Variants in IL1RL2 observed in about 807,000 individuals in gnomAD.
IL1RL2 encodes the protein interleukin-1 receptor-like 2.
A neutral mutation model predicts 66.8 loss-of-function variants in IL1RL2; 68 were observed. That is an observed-to-expected ratio of 1.02 (90% confidence interval 0.84 to 1.25). IL1RL2 has a LOEUF of 1.25. IL1RL2 is among the 50% of genes most tolerant of loss of function. IL1RL2 has a pLI of 0.00. For missense variants in IL1RL2, 729 were observed against 709.3 expected, an observed-to-expected ratio of 1.03 and a Z score of -0.32; for synonymous variants, 305 against 264.6, an observed-to-expected ratio of 1.15 and a Z score of -1.48.
chr2:102,200,992 A>G (rs760616667), intron 4 of IL1RL2, among the ~76,000 whole-genome samples: 1 of 152,128 alleles, frequency 6.6e-6, no homozygotes, highest in African/African-American at 2.4e-5. Context: ...ATAAAGTCCA[A>G]TGCTTGATAA....
chr2:102,232,971 C>T lies in IL1RL2; in HGVS notation c.1144C>T (p.Leu382=), dbSNP rs758359385. ...HSTETIVDGK[L]YDAYVLYPKP... The stretch of plus-strand genomic sequence containing the variant: ...GTCCAATTCCTTTTCAGATGGGAAG[C>T]TGTATGACGCCTATGTCTTATACCC... The change falls in exon 10 of 12, where the codon CTG becomes TTG. Residue 382 remains leucine (L), a synonymous_variant. Transcript: ENST00000264257. 5 of 1,607,568 alleles carry T rather than the reference C, an allele frequency of 3.1e-6. No individual in the cohort carries two copies. Among genetic ancestry groups the T allele is most frequent in the East Asian group, 4.5e-5 (2 of 44,768 alleles).
intron 5 of IL1RL2, among the ~76,000 whole-genome samples, chr2:102,209,330 C>T (rs1391704160): frequency 4.6e-5 from 7 of 151,972 alleles, no homozygotes; most frequent in East Asian, 1.9e-4. Context: ...ACAGTGTTTG[C>T]GGAGCAGGAA....
chr2:102,187,846 T>G lies in IL1RL2; in HGVS notation c.-12-10T>G. Reference sequence around the variant, plus strand: ...TCCTCCCCTCCCACCCTCTTCTCCCTTCCTTGCAGCCCGGTTTGGGGATGT... The same window carrying G: ...TCCTCCCCTCCCACCCTCTTCTCCCGTCCTTGCAGCCCGGTTTGGGGATGT... On this transcript the variant is annotated splice_polypyrimidine_tract_variant and intron_variant, in intron 1 of 11. Coordinates refer to ENST00000264257, the MANE Select transcript of IL1RL2 (RefSeq NM_003854.4). The G allele has an allele frequency of 4.2e-6, 6 of 1,438,458 alleles. No homozygotes were observed. The highest frequency in any genetic ancestry group is 5.7e-6 in the Non-Finnish European group (6 of 1,055,146). 89.1% of individuals were successfully genotyped at this position (1,438,458 alleles called of 1,614,324 possible). A position where few individuals can be genotyped will look rare whatever the true frequency, so the allele number is the denominator to read the frequency against.
At chr2:102,207,380 C>T (rs1321806429) in intron 5 of IL1RL2, among the ~76,000 whole-genome samples, 5 of 152,170 alleles carry the variant, frequency 3.3e-5, no homozygotes, top group African/African-American at 1.2e-4. Context: ...CAGATGCTCA[C>T]CCAAGGCATT....
chr2:102,231,602 G>A (rs6758443), intron 9 of IL1RL2, among the ~76,000 whole-genome samples: 1 of 151,498 alleles, frequency 6.6e-6, no homozygotes, highest in East Asian at 1.9e-4. Context: ...GGGGATTTTT[G>A]ATTCTTGCTG....
chr2:102,196,962 G>A (rs1263416320), intron 4 of IL1RL2, among the ~76,000 whole-genome samples: 2 of 152,174 alleles, frequency 1.3e-5, no homozygotes, highest in Non-Finnish European at 2.9e-5. Flanking sequence ...ACATTGGAAG[G>A]CCTTGAGAAT....
At position 102,187,888 on chromosome 2, in the gene IL1RL2, C is replaced by A. The variant is rs1329241787; in HGVS notation, c.21C>A (p.Cys7Ter). 1.2e-6 allele frequency: 2 copies of A among 1,613,990 alleles called. No individual in the cohort carries two copies. The highest frequency in any genetic ancestry group is 8.5e-7 in the Non-Finnish European group (1 of 1,179,986). ...TGGGGATGTGGTCCTTGCTGCTCTG[C>A]GGGTTGTCCATCGCCCTTCCACTGT... MWSLLL[C>*]GLSIALPLSV... Residue 7 changes from cysteine (C) to a stop codon, truncating the protein, a stop_gained, in exon 2 of 12, where the codon TGC (cysteine) becomes TGA (stop). Coordinates refer to ENST00000264257, the MANE Select transcript of IL1RL2 (RefSeq NM_003854.4). LOFTEE classifies it high-confidence loss of function.
At position 102,235,210 on chromosome 2, in the gene IL1RL2, G is replaced by T. The variant is rs141789680; in HGVS notation, c.1611G>T (p.Pro537=). 2.4e-4 allele frequency: 383 copies of T among 1,614,052 alleles called. No individual in the cohort carries two copies. The highest frequency in any genetic ancestry group is 2.9e-4 in the Non-Finnish European group (340 of 1,180,048). The change falls in exon 11 of 12, where the codon CCG becomes CCT. Residue 537 remains proline (P), a synonymous_variant. Transcript: ENST00000264257. ...GGAAGACAGTGAGATACCACATGCC[G>T]CCCAGAAGGTGTCGGCCGTTTCCTC... ...KFWKTVRYHM[P]PRRCRPFPPV...
At chr2:102,221,592 T>A (rs1393818597) in intron 8 of IL1RL2, among the ~76,000 whole-genome samples, 2 of 152,174 alleles carry the variant, frequency 1.3e-5, no homozygotes, top group African/African-American at 4.8e-5. Flanking sequence ...CCCAATGAGT[T>A]GCCAAGCTCT....
intron 5 of IL1RL2, 46 bp from the exon 6 acceptor site, chr2:102,212,054 A>G: frequency 7.2e-7 from 1 of 1,391,442 alleles, no homozygotes; most frequent in Non-Finnish European, 1.0e-6. Context: ...TTGGGAATGT[A>G]TCATACGTGA....
At chr2:102,237,760 G>T (rs1675008365) in intron 11 of IL1RL2, among the ~76,000 whole-genome samples, 1 of 152,208 alleles carries the variant, frequency 6.6e-6, no homozygotes, top group South Asian at 2.1e-4. Context: ...TAGGCAGGTT[G>T]GCAGGTAACA....
chr2:102,232,767 C>T (rs988462170), intron 9 of IL1RL2, among the ~76,000 whole-genome samples, 196 bp from the exon 10 acceptor site: 2 of 152,130 alleles, frequency 1.3e-5, no homozygotes, highest in Non-Finnish European at 2.9e-5. Flanking sequence ...GGGATAAGAC[C>T]ACCTCCCTCA....
chr2:102,237,905 T>A (rs1447312010), intron 11 of IL1RL2, among the ~76,000 whole-genome samples: 2 of 152,136 alleles, frequency 1.3e-5, no homozygotes, highest in African/African-American at 4.8e-5. Flanking sequence ...CAGCTGGGCT[T>A]GGCGCAAATA....
intron 4 of IL1RL2, among the ~76,000 whole-genome samples, chr2:102,195,629 C>CTTTCTTTCTTTCTT (rs1379287788): frequency 2.9e-4 from 5 of 17,320 alleles, no homozygotes; most frequent in African/African-American, 6.3e-4. Flanking sequence ...TTCTTTCTTT[C>CTTTCTTTCTTTCTT]TCTCTCTCTC....
At chr2:102,197,886 C>T (rs572183354) in intron 4 of IL1RL2, among the ~76,000 whole-genome samples, 2 of 152,302 alleles carry the variant, frequency 1.3e-5, no homozygotes, top group South Asian at 4.2e-4. Flanking sequence ...GAGTTGATTC[C>T]CCACTTTCCA....
chr2:102,231,490 C>T (rs1691123739), intron 9 of IL1RL2, among the ~76,000 whole-genome samples: 1 of 150,436 alleles, frequency 6.6e-6, no homozygotes, highest in Admixed American at 6.7e-5. Flanking sequence ...ATGAGTGAGA[C>T]TCCATCTAAA....
rs150087096 is a variant in IL1RL2, at chr2:102,187,907, C to A, written c.40C>A (p.Pro14Thr). ...LLLCGLSIAL[P>T]LSVTADGCKD... ...GCTCTGCGGGTTGTCCATCGCCCTT[C>A]CACTGTCTGTCACAGCAGGTACGTT... The change falls in exon 2 of 12, where the codon CCA (proline) becomes ACA (threonine). Residue 14 changes from proline (P) to threonine (T), a missense_variant. Transcript: ENST00000264257. 4.2e-5 allele frequency: 68 copies of A among 1,613,622 alleles called. No individual in the cohort carries two copies. Among genetic ancestry groups the A allele is most frequent in the Non-Finnish European group, 5.3e-5 (62 of 1,179,780 alleles).
At chr2:102,199,761 C>T (rs920936674) in intron 4 of IL1RL2, among the ~76,000 whole-genome samples, 10 of 152,176 alleles carry the variant, frequency 6.6e-5, no homozygotes, top group Non-Finnish European at 1.3e-4. Flanking sequence ...GACTGCTCAG[C>T]CATGGAAGCA....
chr2:102,234,962 G>A lies in IL1RL2; in HGVS notation c.1363G>A (p.Glu455Lys), dbSNP rs774703060. 1.6e-5 allele frequency: 26 copies of A among 1,614,052 alleles called. No homozygotes were observed. Among genetic ancestry groups the A allele is most frequent in the South Asian group, 9.9e-5 (9 of 91,084 alleles). The change falls in exon 11 of 12, where the codon GAA becomes AAA. Residue 455 changes from glutamate to lysine, a missense_variant. By Grantham distance (56) the Glu-to-Lys change is moderately conservative. Transcript: ENST00000264257. ...GAGGCTGATTGTCATTGTGGTCCCC[G>A]AATCGCTGGGCTTTGGCCTGTTGAA... is the stretch of plus-strand genomic sequence containing the variant. ...CRRLIVIVVPESLGFGLLKNL... is the reference protein window; with the variant it reads ...CRRLIVIVVPKSLGFGLLKNL...
Sources: gnomAD v4.1 joint callset for allele counts (sites outside exome capture counted in the v4.1 genomes callset) on GRCh38, gnomAD v4.1.1 for gene constraint, MANE v1.5 for transcripts, NCBI Gene and HGNC (gene_info 2026-07-23, HGNC 2026-07-21) for gene names.